CACNG3: variants seen among roughly 807,000 people sequenced by gnomAD.
The protein encoded by CACNG3 is voltage-dependent calcium channel gamma-3 subunit.
CACNG3 carries 3 observed loss-of-function variants against 28.5 expected under a neutral mutation model. The ratio of observed to expected loss-of-function variants is 0.11; its 90% confidence interval spans 0.05 to 0.27. The LOEUF is 0.27. Ranked by LOEUF, CACNG3 falls within the 10% of genes least tolerant of loss-of-function variation. The pLI is 1.00. For missense variants in CACNG3, 236 were observed against 414.4 expected, an observed-to-expected ratio of 0.57 and a Z score of 3.74; for synonymous variants, 174 against 162.2, an observed-to-expected ratio of 1.07 and a Z score of -0.55.
At chr16:24,301,151 C>T (rs1361535285) in intron 1 of CACNG3, among the ~76,000 whole-genome samples, 3 of 149,150 alleles carry the variant, frequency 2.0e-5, no homozygotes, top group Non-Finnish European at 4.4e-5. Context: ...GCAGAGGTTG[C>T]TGTGAACTGA....
At chr16:24,289,913 T>C (rs1898943772) in intron 1 of CACNG3, among the ~76,000 whole-genome samples, 1 of 152,250 alleles carries the variant, frequency 6.6e-6, no homozygotes, top group South Asian at 2.1e-4. Context: ...TAATGTTGGC[T>C]ATTACTTATT....
chr16:24,352,481 C>T (rs543169355), intron 2 of CACNG3, among the ~76,000 whole-genome samples: 14 of 152,162 alleles, frequency 9.2e-5, no homozygotes, highest in Non-Finnish European at 1.8e-4. Context: ...CCCCCGCAGT[C>T]CAAGCTATGA....
chr16:24,279,005 G>A (rs1273180662), intron 1 of CACNG3, among the ~76,000 whole-genome samples: 2 of 152,210 alleles, frequency 1.3e-5, no homozygotes, highest in African/African-American at 2.4e-5. Context: ...AAGGTCTGGA[G>A]GCTAGATGGA....
intron 1 of CACNG3, among the ~76,000 whole-genome samples, chr16:24,288,677 G>C (rs1898926522): frequency 6.6e-6 from 1 of 152,188 alleles, no homozygotes; most frequent in Admixed American, 6.5e-5. Flanking sequence ...CATACTGTCT[G>C]TGCTTGGCAC....
chr16:24,326,086 G>A (rs761473296), intron 1 of CACNG3, among the ~76,000 whole-genome samples: 3 of 152,176 alleles, frequency 2.0e-5, no homozygotes, highest in Non-Finnish European at 4.4e-5. Context: ...AACGTGGGGG[G>A]GTTGGGGGCT....
intron 1 of CACNG3, among the ~76,000 whole-genome samples, chr16:24,312,948 A>AAAGAAAGAAAGAAAGG (rs1899288616): frequency 1.2e-5 from 1 of 86,720 alleles, no homozygotes; most frequent in African/African-American, 5.3e-5. Context: ...AGAAAGAAAG[A>AAAGAAAGAAAGAAAGG]AAGAAAGAGA....
intron 3 of CACNG3, among the ~76,000 whole-genome samples, chr16:24,358,007 G>C (rs183229870): frequency 6.6e-6 from 1 of 152,252 alleles, no homozygotes; most frequent in East Asian, 1.9e-4. Context: ...TCTAATCCTA[G>C]ACCCTTCCAC....
At chr16:24,342,214 G>A (rs1221303296) in intron 1 of CACNG3, among the ~76,000 whole-genome samples, 1 of 152,134 alleles carries the variant, frequency 6.6e-6, no homozygotes, top group Admixed American at 6.5e-5. Context: ...GTTGCAGTAA[G>A]CTAAGATTGC....
chr16:24,289,852 C>T (rs1213860466), intron 1 of CACNG3, among the ~76,000 whole-genome samples: 1 of 152,196 alleles, frequency 6.6e-6, no homozygotes, highest in African/African-American at 2.4e-5. Flanking sequence ...CAGGCGAGTT[C>T]ATCCTTATAA....
At chr16:24,318,464 T>A (rs1431870900) in intron 1 of CACNG3, among the ~76,000 whole-genome samples, 1 of 152,186 alleles carries the variant, frequency 6.6e-6, no homozygotes, top group Non-Finnish European at 1.5e-5. Flanking sequence ...AGTGCTGAGA[T>A]TACAGGCATG....
intron 1 of CACNG3, among the ~76,000 whole-genome samples, chr16:24,317,690 A>G (rs1270919155): frequency 2.8e-5 from 3 of 108,756 alleles, no homozygotes; most frequent in Non-Finnish European, 5.6e-5. Flanking sequence ...GAAAGAAAGA[A>G]AGAAAGAAAG....
At chr16:24,286,426 AC>A in intron 1 of CACNG3, among the ~76,000 whole-genome samples, 1 of 140,560 alleles carries the variant, frequency 7.1e-6, no homozygotes, top group Middle Eastern at 3.4e-3. Flanking sequence ...ACACACACAC[AC>A]ACACACATAT....
At chr16:24,359,645 T>A (rs2141386119) in intron 3 of CACNG3, among the ~76,000 whole-genome samples, 1 of 152,142 alleles carries the variant, frequency 6.6e-6, no homozygotes, top group Middle Eastern at 3.4e-3. Context: ...GAGGATCACT[T>A]GAGGCCAGGA....
At chr16:24,301,322 T>G (rs1899108264) in intron 1 of CACNG3, among the ~76,000 whole-genome samples, 1 of 152,158 alleles carries the variant, frequency 6.6e-6, no homozygotes, top group South Asian at 2.1e-4. Flanking sequence ...TCATTTTATC[T>G]TGCAACCACA....
rs954797529 is a variant in CACNG3, at chr16:24,269,455, A to G, written c.211+12490A>G. 5.3e-5 allele frequency among the ~76,000 whole-genome samples: 8 copies of G among 152,160 alleles called. No homozygotes were observed. The East Asian group carries it at 1.2e-3, about 22-fold the overall frequency. On this transcript the variant is annotated intron_variant, in intron 1 of 3. Coordinates refer to ENST00000005284, the MANE Select transcript of CACNG3 (RefSeq NM_006539.4). The stretch of plus-strand genomic sequence containing the variant: ...GTAGTTTGAGAGAGTCTAGCTCTCC[A>G]GTCTTGAAAATCTCAGCCGAGTGCG...
At chr16:24,275,089 G>A (rs1472411359) in intron 1 of CACNG3, among the ~76,000 whole-genome samples, 1 of 152,006 alleles carries the variant, frequency 6.6e-6, no homozygotes, top group East Asian at 1.9e-4. Context: ...GCTGGGCAAC[G>A]TGGTGCACAT....
chr16:24,302,058 T>C (rs2141360570), intron 1 of CACNG3, among the ~76,000 whole-genome samples: 1 of 152,256 alleles, frequency 6.6e-6, no homozygotes, highest in South Asian at 2.1e-4. Context: ...TTCTAATTTC[T>C]CTCCTGCTAT....
At chr16:24,294,556 T>G (rs1899005408) in intron 1 of CACNG3, among the ~76,000 whole-genome samples, 2 of 152,174 alleles carry the variant, frequency 1.3e-5, no homozygotes, top group African/African-American at 4.8e-5. Flanking sequence ...CATATTGCCT[T>G]TAACTCCTGA....
chr16:24,358,383 G>A (rs1003832590), intron 3 of CACNG3, among the ~76,000 whole-genome samples: 1 of 152,148 alleles, frequency 6.6e-6, no homozygotes. Flanking sequence ...GTATCATAAC[G>A]GCCCCACCTT....
Sources: gnomAD v4.1 joint callset for allele counts (sites outside exome capture counted in the v4.1 genomes callset) on GRCh38, gnomAD v4.1.1 for gene constraint, MANE v1.5 for transcripts, NCBI Gene and HGNC (gene_info 2026-07-23, HGNC 2026-07-21) for gene names.